Variants in FIS1 observed in about 807,000 individuals in gnomAD.
FIS1 encodes the protein mitochondrial fission 1 protein.
FIS1 carries 16 observed loss-of-function variants against 21.6 expected under a neutral mutation model. The observed-to-expected ratio is 0.74, with a 90% CI of 0.50 to 1.12. The LOEUF is 1.12. Among genes scored for constraint, FIS1 ranks in the 50% most tolerant of loss-of-function variants. FIS1 has a pLI of 0.00. For synonymous variants in FIS1, 92 were observed against 82.2 expected, an observed-to-expected ratio of 1.12 and a Z score of -0.65; for missense variants, 198 against 190.9, an observed-to-expected ratio of 1.04 and a Z score of -0.22.
chr7:101,240,130 C>T lies in FIS1; in HGVS notation c.361+12G>A, dbSNP rs539960455. 6.0e-4 allele frequency: 963 copies of T among 1,613,702 alleles called. 13 individuals are homozygous for T. The South Asian group carries it at 9.7e-3, about 16-fold the overall frequency. ...GAAGAGCGGGGCTGAACAAAGGGGC[C>T]GAGGCTGTCACCTTTCTTCATGGCC... is the stretch of plus-strand genomic sequence containing the variant. On this transcript the variant is annotated intron_variant, in intron 4 of 4. Transcript: ENST00000223136.
intron 1 of FIS1, 25 bp from the exon 2 acceptor site, chr7:101,244,164 A>T: frequency 1.2e-6 from 2 of 1,608,154 alleles, no homozygotes; most frequent in Non-Finnish European, 1.7e-6. Context: ...GAAAGGAATC[A>T]TTTAGAAATG....
chr7:101,243,181 T>G (rs935216066), intron 2 of FIS1, among the ~76,000 whole-genome samples: 1 of 152,136 alleles, frequency 6.6e-6, no homozygotes, highest in African/African-American at 2.4e-5. Flanking sequence ...AAATGATTAT[T>G]TGAACACAAG....
At position 101,240,755 on chromosome 7, in the gene FIS1, C is replaced by CTGTG. The variant is rs1370947320; in HGVS notation, c.255+74_255+75insCACA. On this transcript the variant is annotated intron_variant, in intron 3 of 4. Coordinates refer to ENST00000223136, the MANE Select transcript of FIS1 (RefSeq NM_016068.3). ...CCTTCAGCCTTCCCGCTGTCCAGGG[C>CTGTG]TCCACCCTGGAGGACACAGTAAGAA... 4.9e-6 allele frequency: 7 copies of CTGTG among 1,418,924 alleles called. No individual in the cohort carries two copies. In the African/African-American group the frequency reaches 8.4e-5, roughly 17 times the overall value. The allele number at this position is 1,418,924 out of a possible 1,614,324, so 87.9% of individuals were successfully genotyped here.
At position 101,239,478 on chromosome 7, in the gene FIS1, C is replaced by T. The variant is rs1037874546; in HGVS notation, c.*328G>A. ...GAAAGGGAGGAAGGAAGGGTGTGGG[C>T]TCTGGGCTGCGGGGTGGACAAAGAA... On this transcript the variant is annotated 3_prime_UTR_variant, in exon 5 of 5. Transcript: ENST00000223136. The T allele has an allele frequency of 4.8e-6, 2 of 420,068 alleles. No homozygotes were observed. Among genetic ancestry groups the T allele is most frequent in the Non-Finnish European group, 9.0e-6 (2 of 221,754 alleles). The allele number at this position is 420,068 out of a possible 1,614,324, so 26.0% of individuals were successfully genotyped here. A position where few individuals can be genotyped will look rare whatever the true frequency, so the allele number is the denominator to read the frequency against.
chr7:101,245,080 A>G lies in FIS1; in HGVS notation c.-76T>C, dbSNP rs893377255. On this transcript the variant is annotated 5_prime_UTR_variant, in exon 1 of 5. Transcript: ENST00000223136. The stretch of plus-strand genomic sequence containing the variant: ...CATGGCCCAGTGGCAGGGGCGGAGA[A>G]CCACTTCCGGCGTCCGGCGGATGCT... The G allele has an allele frequency of 5.2e-6, 8 of 1,533,938 alleles. No individual in the cohort carries two copies. The highest frequency in any genetic ancestry group is 1.7e-4 in the Middle Eastern group (1 of 5,772).
In FIS1 at chr7:101,239,811, A is replaced by C. The variant is rs1275036097; in HGVS notation, c.454T>G (p.Ser152Ala). ...LIGLAVSKSK[S>A] Reference sequence around the variant, plus strand: ...CGTGGGCTCCCGCGTCTCCTTCAGGATTTGGACTTGGACACAGCAAGTCCG... The same window carrying C: ...CGTGGGCTCCCGCGTCTCCTTCAGGCTTTGGACTTGGACACAGCAAGTCCG... The change falls in exon 5 of 5, where the codon TCC (serine) becomes GCC (alanine). Residue 152 changes from serine to alanine, a missense_variant. Transcript: ENST00000223136. 1 of 1,594,952 alleles carries C rather than the reference A, an allele frequency of 6.3e-7. No homozygotes were observed. Among genetic ancestry groups the C allele is most frequent in the Non-Finnish European group, 8.5e-7 (1 of 1,170,554 alleles).
intron 2 of FIS1, chr7:101,241,748 T>A (rs1456034154): frequency 7.0e-6 from 1 of 142,522 alleles, no homozygotes; most frequent in Non-Finnish European, 1.5e-5. Context: ...TCACCTGAGG[T>A]CGGGAGTTTG....
Position 101,240,174 on chromosome 7 carries a change from A to G in FIS1, c.329T>C (p.Leu110Pro). Residue 110 changes from leucine (L) to proline (P), a missense_variant, in exon 4 of 5, where the codon CTG becomes CCG. By Grantham distance (98) the Leu-to-Pro change is moderately conservative. Transcript: ENST00000223136. ...CATGGCCTTGTCAATGAGCCGCTCC[A>G]GTTCCTTGGCCTGGTTGTTCTGGGG... ...TEPQNNQAKELERLIDKAMKK... is the reference protein window; with the variant it reads ...TEPQNNQAKEPERLIDKAMKK... The G allele has an allele frequency of 6.2e-7, 1 of 1,614,222 alleles. No homozygotes were observed. Among genetic ancestry groups the G allele is most frequent in the Non-Finnish European group, 8.5e-7 (1 of 1,180,030 alleles).
At chr7:101,243,972 G>C in intron 2 of FIS1, 35 bp downstream of exon 2, 1 of 1,592,200 alleles carries the variant, frequency 6.3e-7, no homozygotes, top group Non-Finnish European at 8.6e-7. Flanking sequence ...GAGCAGCCCA[G>C]ATGGCAGCGG....
chr7:101,243,319 T>A (rs1352379733), intron 2 of FIS1, among the ~76,000 whole-genome samples: 1 of 152,224 alleles, frequency 6.6e-6, no homozygotes, highest in Non-Finnish European at 1.5e-5. Flanking sequence ...CTCACACCTG[T>A]AATCCCAACA....
chr7:101,243,331 T>C (rs1798771930), intron 2 of FIS1, among the ~76,000 whole-genome samples: 1 of 152,138 alleles, frequency 6.6e-6, no homozygotes, highest in Non-Finnish European at 1.5e-5. Context: ...ATCCCAACAC[T>C]GTGGGAGGCC....
rs542410129 is a variant in FIS1 at position 101,240,913 on chromosome 7, A to T, written c.179-7T>A. 15 of 1,613,884 alleles carry T rather than the reference A, an allele frequency of 9.3e-6. No homozygotes were observed. Among genetic ancestry groups the T allele is most frequent in the Middle Eastern group, 1.7e-4 (1 of 6,016 alleles). Reference sequence around the variant, plus strand: ...CTCCCTTTGGGCAGCAGCTCTGGGGAGGGGCAGAGAAGAGGGTGAGAAATG... The same window carrying T: ...CTCCCTTTGGGCAGCAGCTCTGGGGTGGGGCAGAGAAGAGGGTGAGAAATG... On this transcript the variant is annotated splice_polypyrimidine_tract_variant and splice_region_variant and intron_variant, in intron 2 of 4. Coordinates refer to ENST00000223136, the MANE Select transcript of FIS1 (RefSeq NM_016068.3).
At chr7:101,243,627 T>C (rs558391537) in intron 2 of FIS1, among the ~76,000 whole-genome samples, 2 of 152,214 alleles carry the variant, frequency 1.3e-5, no homozygotes, top group South Asian at 4.1e-4. Context: ...TGTAGGACAG[T>C]CCTCTGTACC....
At chr7:101,244,757 G>C (rs984629214) in intron 1 of FIS1, 2 of 622,702 alleles carry the variant, frequency 3.2e-6, no homozygotes, top group Non-Finnish European at 2.8e-6. Context: ...GGTGTGGGGG[G>C]CTCAGGACAC....
chr7:101,245,028 C>A lies in FIS1; in HGVS notation c.-24G>T. On this transcript the variant is annotated 5_prime_UTR_variant, in exon 1 of 5. Transcript: ENST00000223136. ...ATGGCCACTGCCCCCGCGAGCCTCA[C>A]ACTACAGTCTACTGTGCCACAGTCT... 6.2e-7 allele frequency: 1 copy of A among 1,613,708 alleles called. No individual in the cohort carries two copies. Among genetic ancestry groups the A allele is most frequent in the Non-Finnish European group, 8.5e-7 (1 of 1,179,818 alleles).
chr7:101,240,082 A>G (rs1400456343), intron 4 of FIS1, 60 bp downstream of exon 4: 1 of 1,576,232 alleles, frequency 6.3e-7, no homozygotes, highest in Non-Finnish European at 8.7e-7. Flanking sequence ...ATTTACAGAG[A>G]GACCAAAGTG....
chr7:101,244,831 G>T (rs1174574540), intron 1 of FIS1, 129 bp downstream of exon 1: 4 of 1,144,838 alleles, frequency 3.5e-6, no homozygotes, highest in African/African-American at 3.1e-5. Context: ...CGCTGTGGAG[G>T]CTGCCGGGAG....
At chr7:101,242,853 C>T (rs535853231) in intron 2 of FIS1, among the ~76,000 whole-genome samples, 49 of 151,068 alleles carry the variant, frequency 3.2e-4, no homozygotes, top group Non-Finnish European at 5.7e-4. Context: ...ATAGATTCAA[C>T]GAACCATGGA....
chr7:101,245,047 A>G lies in FIS1; in HGVS notation c.-43T>C. On this transcript the variant is annotated 5_prime_UTR_variant, in exon 1 of 5. Coordinates refer to ENST00000223136, the MANE Select transcript of FIS1 (RefSeq NM_016068.3). ...GCCTCACACTACAGTCTACTGTGCC[A>G]CAGTCTCCATGGCCCAGTGGCAGGG... The G allele has an allele frequency of 6.2e-7, 1 of 1,609,160 alleles. No homozygotes were observed. The highest frequency in any genetic ancestry group is 1.7e-5 in the Admixed American group (1 of 59,646).
Sources: allele counts gnomAD v4.1 joint callset (sites outside exome capture counted in the v4.1 genomes callset), GRCh38; gene constraint gnomAD v4.1.1; transcripts MANE v1.5; gene names NCBI Gene and HGNC (gene_info 2026-07-23, HGNC 2026-07-21).